The following NDUFAF6 variants were observed in gnomAD, a reference collection of about 807,000 sequenced individuals.
The protein encoded by NDUFAF6 is NADH:ubiquinone oxidoreductase complex assembly factor 6, also known as NADH dehydrogenase (ubiquinone) complex I, assembly factor 6.
NDUFAF6 carries 45 observed loss-of-function variants against 40.8 expected under a neutral mutation model. The observed-to-expected ratio is 1.10, with a 90% CI of 0.87 to 1.42. The LOEUF (loss-of-function observed/expected upper bound fraction) is 1.42. NDUFAF6 is among the 40% of genes most tolerant of loss of function. NDUFAF6 has a pLI of 0.00. For missense variants in NDUFAF6, 435 were observed against 418.5 expected, an observed-to-expected ratio of 1.04 and a Z score of -0.34; for synonymous variants, 185 against 155.9, an observed-to-expected ratio of 1.19 and a Z score of -1.39.
rs72679229 is a variant in NDUFAF6 at position 95,004,869 on chromosome 8, A to G, written c.-84+23896A>G. ...TGAGGGCAGGAATTCTATTTCATTC[A>G]TTCTTTATCCTCAATAGCTAGTTCT... On this transcript the variant is annotated intron_variant, in intron 2 of 9. Transcript: ENST00000396111. Among the ~76,000 whole-genome samples the G allele has an allele frequency of 1.4e-3, 209 of 152,344 alleles. 1 individual carries two copies. Among genetic ancestry groups the G allele is most frequent in the Non-Finnish European group, 2.5e-3 (168 of 68,032 alleles).
chr8:95,006,173 C>T (rs1160328939), intron 2 of NDUFAF6, among the ~76,000 whole-genome samples: 2 of 151,844 alleles, frequency 1.3e-5, no homozygotes, highest in African/African-American at 4.8e-5. Flanking sequence ...GCCTGGCCAA[C>T]ATGGTGAAAC....
At chr8:94,938,504 T>C (rs1176011263) in intron 1 of NDUFAF6, among the ~76,000 whole-genome samples, 1 of 152,260 alleles carries the variant, frequency 6.6e-6, no homozygotes, top group African/African-American at 2.4e-5. Flanking sequence ...CAGGATGGGA[T>C]GTGGTCACTA....
chr8:95,042,465 A>T (rs1484493392), intron 4 of NDUFAF6, among the ~76,000 whole-genome samples: 1 of 152,246 alleles, frequency 6.6e-6, no homozygotes, highest in Non-Finnish European at 1.5e-5. Flanking sequence ...CAAGGTAAAG[A>T]AAATTAGGGA....
In NDUFAF6 at chr8:95,002,713, T is replaced by C. The variant is rs149971294; in HGVS notation, c.-84+21740T>C. 5.1e-3 allele frequency among the ~76,000 whole-genome samples: 779 copies of C among 152,332 alleles called. 6 individuals carry two copies. The highest frequency in any genetic ancestry group is 0.018 in the African/African-American group (739 of 41,566). ...ATGCTAGGTGCTGGGATGCAAAGTC[T>C]CTGCAACTGTAGAGTACTTAGAGAC... On this transcript the variant is annotated intron_variant, in intron 2 of 9. Transcript: ENST00000396111.
At chr8:94,906,229 T>A (rs1341625208) in intron 1 of NDUFAF6, among the ~76,000 whole-genome samples, 4 of 152,122 alleles carry the variant, frequency 2.6e-5, no homozygotes, top group Admixed American at 2.6e-4. Flanking sequence ...CTTTGGTTCT[T>A]CTCTGTGCTC....
intron 1 of NDUFAF6, chr8:94,928,931 G>T (rs1057246498): frequency 6.6e-6 from 1 of 152,634 alleles, no homozygotes; most frequent in African/African-American, 2.4e-5. Context: ...GTTTGATTAT[G>T]AAGGCAACAC....
At chr8:94,921,399 G>A (rs1819492776) in intron 1 of NDUFAF6, among the ~76,000 whole-genome samples, 2 of 152,160 alleles carry the variant, frequency 1.3e-5, no homozygotes, top group African/African-American at 4.8e-5. Flanking sequence ...TGGCCAGGGG[G>A]AATGCATATC....
intron 3 of NDUFAF6, among the ~76,000 whole-genome samples, 171 bp from the exon 4 acceptor site, chr8:95,041,399 C>T (rs1830131570): frequency 6.6e-6 from 1 of 152,124 alleles, no homozygotes; most frequent in Non-Finnish European, 1.5e-5. Context: ...GAAATATTTT[C>T]TAGGGACATT....
At chr8:95,066,294 T>C (rs1305737500) in intron 9 of NDUFAF6, among the ~76,000 whole-genome samples, 85 of 145,766 alleles carry the variant, frequency 5.8e-4, no homozygotes, top group African/African-American at 2.0e-3. Flanking sequence ...TTGCTTTTTT[T>C]TTTTTTTTTT....
chr8:94,914,875 A>G (rs1045119480), intron 1 of NDUFAF6, among the ~76,000 whole-genome samples: 1 of 152,060 alleles, frequency 6.6e-6, no homozygotes. Context: ...CCACATATAC[A>G]TAGAGGTCCA....
chr8:95,098,978 C>T (rs1023222209), upstream of NDUFAF6, among the ~76,000 whole-genome samples: 5 of 151,912 alleles, frequency 3.3e-5, no homozygotes, highest in African/African-American at 9.7e-5. Context: ...TGGTGGCTCA[C>T]GCCTGTAATC....
chr8:94,987,041 A>C (rs1401165749), intron 2 of NDUFAF6, among the ~76,000 whole-genome samples: 1 of 152,220 alleles, frequency 6.6e-6, no homozygotes, highest in Non-Finnish European at 1.5e-5. Context: ...TCAGAAATCA[A>C]ACTTTACTGA....
intron 1 of NDUFAF6, among the ~76,000 whole-genome samples, chr8:94,896,295 G>A (rs1817559581): frequency 6.7e-6 from 1 of 148,612 alleles, no homozygotes; most frequent in South Asian, 2.1e-4. Context: ...AGCGCGCCCT[G>A]CGGAGCCCGC....
chr8:95,065,297 C>T (rs1563849300), intron 9 of NDUFAF6, among the ~76,000 whole-genome samples: 3 of 152,134 alleles, frequency 2.0e-5, no homozygotes, highest in Admixed American at 1.3e-4. Flanking sequence ...TTGGATCTGA[C>T]GCTATCTCTA....
downstream of NDUFAF6, among the ~76,000 whole-genome samples, chr8:95,105,072 G>C (rs1457308636): frequency 0.11 from 1,404 of 13,224 alleles, 14 homozygotes; most frequent in African/African-American, 0.3. Flanking sequence ...CACACAGAGA[G>C]AGAGAGAGAG....
chr8:95,033,890 C>A, intron 2 of NDUFAF6: 1 of 391,672 alleles, frequency 2.6e-6, no homozygotes, highest in South Asian at 1.8e-5. Context: ...TTAGGGGCAC[C>A]TGGGTCAGAA....
intron 3 of NDUFAF6, among the ~76,000 whole-genome samples, chr8:95,036,918 T>C (rs1329051492): frequency 1.3e-5 from 2 of 152,222 alleles, no homozygotes; most frequent in African/African-American, 2.4e-5. Context: ...TCATGTTCAG[T>C]GCAGTTGTCC....
At chr8:95,036,869 C>T (rs1178438104) in intron 3 of NDUFAF6, among the ~76,000 whole-genome samples, 1 of 152,118 alleles carries the variant, frequency 6.6e-6, no homozygotes, top group Admixed American at 6.6e-5. Context: ...CTGACGTGAC[C>T]GGTGTTGAAG....
intron 9 of NDUFAF6, chr8:95,075,533 C>A (rs974521978): frequency 1.4e-5 from 14 of 976,368 alleles, no homozygotes; most frequent in African/African-American, 3.4e-5. Flanking sequence ...GGGATTTTAT[C>A]CTCCCCAGGC....
Sources: allele counts gnomAD v4.1 joint callset (sites outside exome capture counted in the v4.1 genomes callset), GRCh38; gene constraint gnomAD v4.1.1; transcripts MANE v1.5; gene names NCBI Gene and HGNC (gene_info 2026-07-23, HGNC 2026-07-21).